Variants in PACS1 observed in about 807,000 individuals in gnomAD.
PACS1 encodes PACS-1.
A neutral mutation model predicts 115.0 loss-of-function variants in PACS1; 24 were observed. The ratio of observed to expected loss-of-function variants is 0.21; its 90% CI spans 0.15 to 0.29. PACS1 has a LOEUF of 0.29. PACS1 is among the 10% of genes least tolerant of loss of function. The pLI, the probability that PACS1 is intolerant of heterozygous loss-of-function variation, is 1.00. For missense variants in PACS1, 838 were observed against 1,251.2 expected (o/e 0.67, Z 4.98); for synonymous variants, 453 against 504.5 (o/e 0.90, Z 1.37).
At chr11:66,220,323 T>C (rs887899364) in intron 8 of PACS1, 2 of 371,600 alleles carry the variant, frequency 5.4e-6, no homozygotes, top group Non-Finnish European at 4.9e-6. Context: ...TGCTTCGCCT[T>C]CCTGTGAGCT....
chr11:66,125,568 T>TA (rs1314591931), intron 1 of PACS1, among the ~76,000 whole-genome samples: 1 of 152,196 alleles, frequency 6.6e-6, no homozygotes, highest in South Asian at 2.1e-4. Flanking sequence ...TCATGTTAAA[T>TA]AATTCAAAGT....
chr11:66,180,613 A>G lies in PACS1; in HGVS notation c.357-12873A>G, dbSNP rs1859987239. Among the ~76,000 whole-genome samples the G allele has an allele frequency of 2.6e-5, 4 of 151,918 alleles. No individual in the cohort carries two copies. In the South Asian group the frequency reaches 8.3e-4, roughly 32 times the overall value. On this transcript the variant is annotated intron_variant, in intron 1 of 23. Coordinates refer to ENST00000320580, the MANE Select transcript of PACS1 (RefSeq NM_018026.4). ...CATGATCCGCCTACCTCAGCCTCCC[A>G]AAGTGCTGGAATTACAGGCGTGCGC...
intron 1 of PACS1, among the ~76,000 whole-genome samples, chr11:66,168,365 A>G (rs555658617): frequency 6.6e-6 from 1 of 150,814 alleles, no homozygotes; most frequent in Admixed American, 6.6e-5. Flanking sequence ...TTACAATGAC[A>G]TTTGTATACG....
At chr11:66,157,914 G>C (rs1298219476) in intron 1 of PACS1, among the ~76,000 whole-genome samples, 1 of 151,860 alleles carries the variant, frequency 6.6e-6, no homozygotes, top group African/African-American at 2.4e-5. Context: ...AGGTCCCACA[G>C]GAAGCAAGCG....
chr11:66,154,213 T>C (rs1247830336), intron 1 of PACS1, among the ~76,000 whole-genome samples: 1 of 151,858 alleles, frequency 6.6e-6, no homozygotes, highest in African/African-American at 2.4e-5. Context: ...AAGGCAAGAG[T>C]ATTGCTTGAG....
chr11:66,171,717 C>T lies in PACS1; in HGVS notation c.357-21769C>T, dbSNP rs2134639978. Reference sequence around the variant, plus strand: ...GCCTCAGCCTCCCGAGTAGCTGGGACTATAGGCGCCCACCACCACGCCCCG... The same window carrying T: ...GCCTCAGCCTCCCGAGTAGCTGGGATTATAGGCGCCCACCACCACGCCCCG... On this transcript the variant is annotated intron_variant, in intron 1 of 23. Transcript: ENST00000320580. Among the ~76,000 whole-genome samples the T allele has an allele frequency of 2.7e-5, 4 of 149,914 alleles. 1 individual carries two copies. The highest frequency in any genetic ancestry group is 1.0e-4 in the African/African-American group (4 of 39,452).
At chr11:66,110,416 A>T (rs1247452140) in intron 1 of PACS1, among the ~76,000 whole-genome samples, 1 of 152,048 alleles carries the variant, frequency 6.6e-6, no homozygotes, top group Non-Finnish European at 1.5e-5. Context: ...GGCTCAAGGG[A>T]TCCTCCTGCC....
Position 66,211,274 on chromosome 11 carries a change from G to A in PACS1, c.660+15G>A. The A allele has an allele frequency of 6.2e-7, 1 of 1,612,892 alleles. No homozygotes were observed. The highest frequency in any genetic ancestry group is 1.1e-5 in the South Asian group (1 of 91,034). On this transcript the variant is annotated intron_variant, in intron 4 of 23. Coordinates refer to ENST00000320580, the MANE Select transcript of PACS1 (RefSeq NM_018026.4). ...ACATGGCAGAGGTGAGAGGAACACA[G>A]TCTCCAGACTGTTGGCCTTTGAGTC...
chr11:66,221,020 C>A, intron 9 of PACS1, 134 bp from the exon 10 acceptor site: 1 of 929,730 alleles, frequency 1.1e-6, no homozygotes, highest in Non-Finnish European at 1.7e-6. Flanking sequence ...CTTCACCCTG[C>A]ACTTCCCTGC....
intron 1 of PACS1, among the ~76,000 whole-genome samples, chr11:66,104,192 T>C (rs1172048362): frequency 2.0e-5 from 3 of 152,204 alleles, no homozygotes; most frequent in Admixed American, 6.5e-5. Flanking sequence ...GAATAACACA[T>C]GGAAAATCAG....
intron 1 of PACS1, among the ~76,000 whole-genome samples, chr11:66,108,558 C>G (rs1053583915): frequency 3.3e-5 from 5 of 151,914 alleles, no homozygotes; most frequent in African/African-American, 9.7e-5. Flanking sequence ...CCCCCTGTCT[C>G]TACAAAAGCT....
intron 1 of PACS1, among the ~76,000 whole-genome samples, chr11:66,091,758 G>A (rs1379877651): frequency 6.6e-6 from 1 of 151,488 alleles, no homozygotes; most frequent in Non-Finnish European, 1.5e-5. Context: ...ACCTATGAGC[G>A]AGAATATGCA....
At chr11:66,200,005 C>T (rs1049172789) in intron 2 of PACS1, among the ~76,000 whole-genome samples, 24 of 144,610 alleles carry the variant, frequency 1.7e-4, no homozygotes, top group Admixed American at 9.5e-4. Flanking sequence ...GGCAACTGTG[C>T]GAGACTCTGT....
At chr11:66,075,528 A>G (rs1409381450) in intron 1 of PACS1, among the ~76,000 whole-genome samples, 1 of 152,190 alleles carries the variant, frequency 6.6e-6, no homozygotes, top group African/African-American at 2.4e-5. Flanking sequence ...GGTGTGAACC[A>G]CTGTGCCTGG....
At chr11:66,171,580 C>A (rs924910785) in intron 1 of PACS1, among the ~76,000 whole-genome samples, 2 of 148,920 alleles carry the variant, frequency 1.3e-5, no homozygotes, top group African/African-American at 5.1e-5. Context: ...TTTTTCTTTT[C>A]TTTTCTTTTC....
At position 66,216,503 on chromosome 11, in the gene PACS1, T is replaced by G; in HGVS notation, c.806-17T>G. On this transcript the variant is annotated splice_polypyrimidine_tract_variant and intron_variant, in intron 5 of 23. Coordinates refer to ENST00000320580, the MANE Select transcript of PACS1 (RefSeq NM_018026.4). ...TCTTCCCATTGCAAGGTTATCTTACTCAGGTGTCTGTTGCAGATCGTTCTC... is the reference window on the plus strand; with the variant it reads ...TCTTCCCATTGCAAGGTTATCTTACGCAGGTGTCTGTTGCAGATCGTTCTC... The G allele has an allele frequency of 6.2e-7, 1 of 1,602,620 alleles. No homozygotes were observed. The highest frequency in any genetic ancestry group is 1.3e-5 in the African/African-American group (1 of 74,798).
chr11:66,141,621 T>A (rs1858989184), intron 1 of PACS1, among the ~76,000 whole-genome samples: 1 of 149,804 alleles, frequency 6.7e-6, no homozygotes, highest in South Asian at 2.1e-4. Flanking sequence ...ACCACTGTAC[T>A]CTAGCCTGGG....
intron 1 of PACS1, among the ~76,000 whole-genome samples, chr11:66,085,153 GTTT>G (rs1036654721): frequency 3.3e-5 from 5 of 152,034 alleles, no homozygotes; most frequent in African/African-American, 1.2e-4. Flanking sequence ...AAAACATCAT[GTTT>G]TTTTCTTTTT....
intron 4 of PACS1, among the ~76,000 whole-genome samples, chr11:66,214,636 T>TC (rs71036279): frequency 9.5e-5 from 14 of 147,908 alleles, no homozygotes; most frequent in African/African-American, 2.2e-4. Flanking sequence ...TTTTTTTTTT[T>TC]CCTGAGATAG....
Sources: gnomAD v4.1 joint callset for allele counts (sites outside exome capture counted in the v4.1 genomes callset) on GRCh38, gnomAD v4.1.1 for gene constraint, MANE v1.5 for transcripts, NCBI Gene and HGNC (gene_info 2026-07-23, HGNC 2026-07-21) for gene names.